Variants in ABCD2 observed in about 807,000 individuals in gnomAD.
ABCD2 encodes the protein ATP-binding cassette sub-family D member 2.
In ABCD2, 36 loss-of-function variants were observed where a neutral mutation model predicts 70.9. That is an observed-to-expected ratio of 0.51 (90% CI 0.39 to 0.67). ABCD2 has a LOEUF of 0.67. Among genes scored for constraint, ABCD2 ranks in the 30% least tolerant of loss-of-function variants. ABCD2 has a pLI of 0.00. For missense variants in ABCD2, 729 were observed against 890.2 expected, an observed-to-expected ratio of 0.82 and a Z score of 2.30; for synonymous variants, 304 against 306.9, an observed-to-expected ratio of 0.99 and a Z score of 0.10.
intron 6 of ABCD2, among the ~76,000 whole-genome samples, chr12:39,596,755 G>A (rs1172061594): frequency 6.6e-6 from 1 of 152,114 alleles, no homozygotes; most frequent in Non-Finnish European, 1.5e-5. Context: ...TGCCAAGGAA[G>A]CGTAGGTAGT....
chr12:39,572,799 G>A (rs1411491928), intron 9 of ABCD2, among the ~76,000 whole-genome samples: 4 of 152,088 alleles, frequency 2.6e-5, no homozygotes, highest in Non-Finnish European at 5.9e-5. Context: ...AGAGAGAGAG[G>A]AGGAATCCTG....
chr12:39,547,364 G>T (rs1241117093), downstream of ABCD2, among the ~76,000 whole-genome samples: 1 of 152,064 alleles, frequency 6.6e-6, no homozygotes, highest in Non-Finnish European at 1.5e-5. Context: ...GTCTCAAAGA[G>T]ATAATCGTAC....
At chr12:39,602,943 T>A (rs901159308) in intron 5 of ABCD2, among the ~76,000 whole-genome samples, 2 of 152,168 alleles carry the variant, frequency 1.3e-5, no homozygotes, top group Non-Finnish European at 2.9e-5. Context: ...CATGAGTACC[T>A]AATTGGTGCT....
At chr12:39,564,209 TC>T (rs943310864) in intron 9 of ABCD2, among the ~76,000 whole-genome samples, 1 of 152,192 alleles carries the variant, frequency 6.6e-6, no homozygotes, top group African/African-American at 2.4e-5. Context: ...CCACACTGAC[TC>T]CCACAATGGT....
At chr12:39,549,413 G>A (rs1247347983), downstream of ABCD2, among the ~76,000 whole-genome samples, 1 of 151,848 alleles carries the variant, frequency 6.6e-6, no homozygotes, top group African/African-American at 2.4e-5. Flanking sequence ...AATATTTCAT[G>A]AGGGCTCTGA....
At chr12:39,598,288 A>C (rs1299592001) in intron 6 of ABCD2, among the ~76,000 whole-genome samples, 1 of 152,214 alleles carries the variant, frequency 6.6e-6, no homozygotes, top group Non-Finnish European at 1.5e-5. Flanking sequence ...GCTCTGTCTT[A>C]TGACTTGTGA....
chr12:39,599,752 C>G (rs1941870871), intron 6 of ABCD2, among the ~76,000 whole-genome samples: 2 of 152,204 alleles, frequency 1.3e-5, no homozygotes, highest in Non-Finnish European at 2.9e-5. Context: ...GAGCACTATA[C>G]TTGATGTGAC....
At chr12:39,567,567 G>C (rs868698913) in intron 9 of ABCD2, among the ~76,000 whole-genome samples, 10 of 152,278 alleles carry the variant, frequency 6.6e-5, no homozygotes, top group Middle Eastern at 6.8e-3. Context: ...ACACTGATGA[G>C]TCTTGACTCT....
chr12:39,571,578 T>G (rs1941449595), intron 9 of ABCD2, among the ~76,000 whole-genome samples: 1 of 152,188 alleles, frequency 6.6e-6, no homozygotes, highest in African/African-American at 2.4e-5. Context: ...TCTTACAACA[T>G]TATTTGATTT....
intron 9 of ABCD2, among the ~76,000 whole-genome samples, chr12:39,567,911 C>G (rs1303860529): frequency 1.3e-5 from 2 of 152,038 alleles, no homozygotes; most frequent in African/African-American, 2.4e-5. Context: ...ATATGAAATT[C>G]TGGGTTGAAA....
intron 9 of ABCD2, among the ~76,000 whole-genome samples, chr12:39,560,445 A>C (rs1941238928): frequency 6.6e-6 from 1 of 152,136 alleles, no homozygotes. Context: ...AGTCTTTGCT[A>C]TTGGTAAATC....
intron 9 of ABCD2, among the ~76,000 whole-genome samples, chr12:39,561,233 T>TAA (rs34293209): frequency 0.053 from 7,787 of 145,820 alleles, 236 homozygotes; most frequent in Middle Eastern, 0.09. Context: ...CCGTCTCTAC[T>TAA]AAAAAAAAAA....
At position 39,553,843 on chromosome 12, in the gene ABCD2, T is replaced by C; in HGVS notation, c.*69A>G. 4 of 1,150,986 alleles carry C rather than the reference T, an allele frequency of 3.5e-6. No homozygotes were observed. Among genetic ancestry groups the C allele is most frequent in the Non-Finnish European group, 4.9e-6 (4 of 812,500 alleles). 71.3% of individuals were successfully genotyped at this position (1,150,986 alleles called of 1,614,324 possible). A position where few individuals can be genotyped will look rare whatever the true frequency, so the allele number is the denominator to read the frequency against. ...TTCTCTGTGCTTAGCTTAACATACT[T>C]CATGCAGTATAACAGAATGTCTTTG... On this transcript the variant is annotated 3_prime_UTR_variant, in exon 10 of 10. Transcript: ENST00000308666.
chr12:39,549,581 C>A (rs867040080), downstream of ABCD2, among the ~76,000 whole-genome samples: 1 of 151,586 alleles, frequency 6.6e-6, no homozygotes, highest in African/African-American at 2.4e-5. Flanking sequence ...AGGACCACAC[C>A]CATAATTTAA....
chr12:39,619,075 C>G lies in ABCD2; in HGVS notation c.541G>C (p.Asp181His). ...LALAFRTRLVDHAYETYFTNQ... is the reference protein window; with the variant it reads ...LALAFRTRLVHHAYETYFTNQ... ...GTAAAATAGGTTTCATAGGCGTGGTCTACTAGGCGAGTTCTGAAGGCCAAA... is the reference window on the plus strand; with the variant it reads ...GTAAAATAGGTTTCATAGGCGTGGTGTACTAGGCGAGTTCTGAAGGCCAAA... The change falls in exon 1 of 10, where the codon GAC becomes CAC. Residue 181 changes from aspartate (D) to histidine (H), a missense_variant. By Grantham distance (81) the Asp-to-His change is moderately conservative. Around this residue, in one of 3 missense-constraint regions of ABCD2, gnomAD observed 245 missense variants for 261.2 expected, o/e 0.94. Coordinates refer to ENST00000308666, the MANE Select transcript of ABCD2 (RefSeq NM_005164.4). The G allele has an allele frequency of 6.2e-7, 1 of 1,614,180 alleles. No individual in the cohort carries two copies. The highest frequency in any genetic ancestry group is 8.5e-7 in the Non-Finnish European group (1 of 1,180,022).
At chr12:39,583,136 A>G (rs559400489) in intron 7 of ABCD2, among the ~76,000 whole-genome samples, 3 of 152,296 alleles carry the variant, frequency 2.0e-5, no homozygotes, top group African/African-American at 7.2e-5. Context: ...CTGGGATTAC[A>G]GGTGTGAGCT....
At chr12:39,576,269 G>A (rs555298726) in intron 8 of ABCD2, among the ~76,000 whole-genome samples, 7 of 152,080 alleles carry the variant, frequency 4.6e-5, no homozygotes, top group Middle Eastern at 3.4e-3. Flanking sequence ...AAGTGATTCC[G>A]CTGCCTCAGC....
the ABCD2 span, among the ~76,000 whole-genome samples, chr12:39,532,947 C>T: frequency 1.3e-5 from 2 of 151,782 alleles, no homozygotes; most frequent in Non-Finnish European, 2.9e-5. Flanking sequence ...ATCATGAGGT[C>T]AGGAGTTTGA....
At chr12:39,574,675 A>T (rs1041152140) in intron 8 of ABCD2, among the ~76,000 whole-genome samples, 13 of 152,186 alleles carry the variant, frequency 8.5e-5, no homozygotes, top group African/African-American at 3.1e-4. Flanking sequence ...TTACACTGTC[A>T]TTTACTATTC....
Sources: gnomAD v4.1 joint callset for allele counts (sites outside exome capture counted in the v4.1 genomes callset) on GRCh38, gnomAD v4.1.1 for gene constraint, gnomAD v4.1.1 regional missense constraint, MANE v1.5 for transcripts, NCBI Gene and HGNC (gene_info 2026-07-23, HGNC 2026-07-21) for gene names.